The following BMPR1B variants were observed in gnomAD, a reference collection of about 807,000 sequenced individuals.
The protein encoded by BMPR1B is bone morphogenetic protein receptor type 1B.
BMPR1B carries 12 observed loss-of-function variants against 59.1 expected under a neutral mutation model. The ratio of observed to expected loss-of-function variants is 0.20; its 90% CI spans 0.13 to 0.33. BMPR1B has a LOEUF of 0.33. Among genes scored for constraint, BMPR1B ranks in the 10% least tolerant of loss-of-function variants. The pLI, the probability that BMPR1B is intolerant of heterozygous loss-of-function variation, is 1.00. For missense variants in BMPR1B, 550 were observed against 610.9 expected (o/e 0.90, Z 1.05); for synonymous variants, 237 against 207.3 (o/e 1.14, Z -1.23).
At chr4:95,032,319 C>T (rs2149159104) in intron 3 of BMPR1B, among the ~76,000 whole-genome samples, 1 of 152,080 alleles carries the variant, frequency 6.6e-6, no homozygotes, top group African/African-American at 2.4e-5. Flanking sequence ...GCAAGCAATA[C>T]CTGGTTTCTC....
intron 6 of BMPR1B, among the ~76,000 whole-genome samples, chr4:95,120,652 T>TCCTTCCTTCCTTCCTC (rs201810491): frequency 3.0e-5 from 1 of 33,316 alleles, no homozygotes; most frequent in Admixed American, 4.4e-4. Flanking sequence ...CTTCCTTCCT[T>TCCTTCCTTCCTTCCTC]TCCTTCCTTC....
rs542815836 is a variant in BMPR1B at position 95,139,333 on chromosome 4, G to A, written c.1076+7821G>A. Among the ~76,000 whole-genome samples, 68 of 152,322 alleles carry A rather than the reference G, an allele frequency of 4.5e-4. 4 individuals are homozygous for A. The South Asian group carries it at 0.012, about 28-fold the overall frequency. On this transcript the variant is annotated intron_variant, in intron 10 of 12. Transcript: ENST00000515059. Reference sequence around the variant, plus strand: ...GGTGTCAGTCGGCCCCTACTGGGAGGTGCCTCCCAGTTAGGCTACTCAGGA... The same window carrying A: ...GGTGTCAGTCGGCCCCTACTGGGAGATGCCTCCCAGTTAGGCTACTCAGGA...
intron 4 of BMPR1B, among the ~76,000 whole-genome samples, chr4:95,109,458 G>A (rs1207664220): frequency 6.6e-6 from 1 of 152,078 alleles, no homozygotes; most frequent in Non-Finnish European, 1.5e-5. Context: ...GTGGTGGTAT[G>A]TTTTCAAACA....
intron 2 of BMPR1B, among the ~76,000 whole-genome samples, chr4:94,939,964 A>G (rs1729447143): frequency 6.6e-6 from 1 of 152,198 alleles, no homozygotes; most frequent in Non-Finnish European, 1.5e-5. Flanking sequence ...GTTTGTTTTG[A>G]ATCAGATACT....
chr4:94,890,252 A>G (rs1486000825), intron 2 of BMPR1B, among the ~76,000 whole-genome samples: 2 of 152,016 alleles, frequency 1.3e-5, no homozygotes, highest in African/African-American at 2.4e-5. Flanking sequence ...GATGCTGCTG[A>G]AAGAGGTTTT....
intron 3 of BMPR1B, among the ~76,000 whole-genome samples, chr4:95,006,837 C>T (rs1313737061): frequency 1.3e-5 from 2 of 152,090 alleles, no homozygotes; most frequent in African/African-American, 4.8e-5. Context: ...CCACGCCCAG[C>T]CCTACCTTCT....
intron 3 of BMPR1B, among the ~76,000 whole-genome samples, chr4:95,030,870 A>G (rs1269482188): frequency 6.6e-6 from 1 of 152,226 alleles, no homozygotes; most frequent in Non-Finnish European, 1.5e-5. Flanking sequence ...GAAATAAAAG[A>G]GGATACAAAG....
intron 1 of BMPR1B, among the ~76,000 whole-genome samples, chr4:94,819,757 T>C (rs1410126934): frequency 6.6e-6 from 1 of 152,230 alleles, no homozygotes; most frequent in African/African-American, 2.4e-5. Context: ...TATGTAAGTA[T>C]CTGCTTAATG....
chr4:94,765,449 C>T (rs934914575), intron 1 of BMPR1B, among the ~76,000 whole-genome samples: 53 of 152,178 alleles, frequency 3.5e-4, no homozygotes, highest in African/African-American at 9.1e-4. Flanking sequence ...CGTTATATTT[C>T]GTAGACTATT....
At chr4:94,846,529 C>T (rs1725336418) in intron 1 of BMPR1B, among the ~76,000 whole-genome samples, 2 of 152,036 alleles carry the variant, frequency 1.3e-5, no homozygotes, top group Admixed American at 1.3e-4. Flanking sequence ...GCCTAGCCTC[C>T]CAGCCTGTAT....
intron 3 of BMPR1B, among the ~76,000 whole-genome samples, chr4:95,090,406 T>C (rs534557851): frequency 3.4e-4 from 51 of 152,090 alleles, no homozygotes; most frequent in African/African-American, 1.1e-3. Context: ...GGCAAAGGTA[T>C]CTGTTTTTTG....
At chr4:95,031,395 A>T (rs148892282) in intron 3 of BMPR1B, among the ~76,000 whole-genome samples, 4 of 152,236 alleles carry the variant, frequency 2.6e-5, no homozygotes, top group Admixed American at 6.5e-5. Context: ...GGCAGCACAG[A>T]TGCTTCTGTT....
chr4:94,785,514 A>G (rs561941277), intron 1 of BMPR1B, among the ~76,000 whole-genome samples: 1 of 152,102 alleles, frequency 6.6e-6, no homozygotes, highest in Non-Finnish European at 1.5e-5. Flanking sequence ...GTTGCATTTG[A>G]TGGGCATGGG....
At chr4:94,851,848 C>T (rs977014960) in intron 1 of BMPR1B, among the ~76,000 whole-genome samples, 1 of 152,100 alleles carries the variant, frequency 6.6e-6, no homozygotes, top group Non-Finnish European at 1.5e-5. Context: ...AATTTTTATT[C>T]TTTCCAACTA....
intron 2 of BMPR1B, among the ~76,000 whole-genome samples, chr4:94,953,385 A>G (rs2149057389): frequency 6.6e-6 from 1 of 152,188 alleles, no homozygotes; most frequent in African/African-American, 2.4e-5. Flanking sequence ...TTTTGTTTTT[A>G]CAGTGGCTGG....
intron 2 of BMPR1B, among the ~76,000 whole-genome samples, chr4:94,895,782 G>A (rs1316705234): frequency 6.6e-6 from 1 of 151,344 alleles, no homozygotes; most frequent in Non-Finnish European, 1.5e-5. Context: ...CATCTTGTTA[G>A]TATTCTAAAA....
intron 1 of BMPR1B, among the ~76,000 whole-genome samples, chr4:94,791,115 C>T (rs904751012): frequency 2.6e-5 from 4 of 152,098 alleles, no homozygotes; most frequent in African/African-American, 9.7e-5. Context: ...CTTAGTCTCC[C>T]AAGTTGCTGG....
Position 95,130,034 on chromosome 4 carries a change from T to C in BMPR1B, c.758T>C (p.Met253Thr), listed in dbSNP as rs1044164391. Residue 253 changes from methionine to threonine, a missense_variant, in exon 9 of 13, where the codon ATG becomes ACG. By Grantham distance (81) the Met-to-Thr change is moderately conservative. Coordinates refer to ENST00000515059, the MANE Select transcript of BMPR1B (RefSeq NM_001203.3). ...RETEIYQTVL[M>T]RHENILGFIA... ...ACAGAAATATATCAGACAGTGTTGA[T>C]GAGGCATGAAAACATTTTGGGTGAG... The C allele has an allele frequency of 2.5e-6, 4 of 1,613,922 alleles. No homozygotes were observed. The African/African-American group carries it at 4.0e-5, about 16-fold the overall frequency.
intron 3 of BMPR1B, among the ~76,000 whole-genome samples, chr4:95,015,741 G>A (rs951067148): frequency 6.6e-6 from 1 of 150,392 alleles, no homozygotes; most frequent in African/African-American, 2.5e-5. Flanking sequence ...TCACCAGACT[G>A]GAGTGCAGTG....
Sources: gnomAD v4.1 joint callset for allele counts (sites outside exome capture counted in the v4.1 genomes callset) on GRCh38, gnomAD v4.1.1 for gene constraint, MANE v1.5 for transcripts, NCBI Gene and HGNC (gene_info 2026-07-23, HGNC 2026-07-21) for gene names.